Variants in SRP72 observed in about 807,000 individuals in gnomAD.
The protein encoded by SRP72 is signal recognition particle 72.
A neutral mutation model predicts 96.3 loss-of-function variants in SRP72; 49 were observed. That is an observed-to-expected ratio of 0.51 (90% confidence interval 0.40 to 0.65). The LOEUF is 0.65. SRP72 is among the 30% of genes least tolerant of loss of function. The pLI is 0.00. For synonymous variants in SRP72, 267 were observed against 275.2 expected (o/e 0.97, Z 0.30); for missense variants, 736 against 793.3 (o/e 0.93, Z 0.87).
chr4:56,502,511 AT>A lies in SRP72; in HGVS notation c.*651del. 6.9e-6 allele frequency: 1 copy of A among 144,386 alleles called. No homozygotes were observed. The highest frequency in any genetic ancestry group is 2.0e-4 in the East Asian group (1 of 4,938). 8.9% of individuals were successfully genotyped at this position (144,386 alleles called of 1,614,324 possible). ...TATATATATACATATATATATATATATAAACATGAAATATATATATATGGCT... is the reference window on the plus strand; with the variant it reads ...TATATATATACATATATATATATATAAAACATGAAATATATATATATGGCT... On this transcript the variant is annotated 3_prime_UTR_variant, in exon 19 of 19. Coordinates refer to ENST00000642900, the MANE Select transcript of SRP72 (RefSeq NM_006947.4).
At chr4:56,484,051 T>TTTTTTTTTTTTTTTTTTTC (rs1560682047) in intron 9 of SRP72, among the ~76,000 whole-genome samples, 4 of 142,716 alleles carry the variant, frequency 2.8e-5, no homozygotes, top group African/African-American at 1.1e-4. Context: ...TTTTTTTTTT[T>TTTTTTTTTTTTTTTTTTTC]GAGATGGAGT....
In SRP72 at chr4:56,489,359, T is replaced by C. The variant is rs776122760; in HGVS notation, c.1225-29T>C. On this transcript the variant is annotated intron_variant, in intron 12 of 18. Coordinates refer to ENST00000642900, the MANE Select transcript of SRP72 (RefSeq NM_006947.4). The stretch of plus-strand genomic sequence containing the variant: ...CGGTATTCTGGGAGTGAAGGGGGAG[T>C]TCACTAATTTATACCTTTGGCTGTG... The C allele has an allele frequency of 5.2e-6, 7 of 1,344,596 alleles. No individual in the cohort carries two copies. The African/African-American group carries it at 1.0e-4, about 19-fold the overall frequency. The allele number at this position is 1,344,596 out of a possible 1,614,324, so 83.3% of individuals were successfully genotyped here.
In SRP72 at chr4:56,490,354, T is replaced by C; in HGVS notation, c.1342T>C (p.Ser448Pro). Residue 448 changes from serine (S) to proline (P), a missense_variant, in exon 14 of 19, where the codon TCC becomes CCC. This residue lies in a region of SRP72 where 388 missense variants were observed against 431.8 expected (regional missense o/e 0.90). Transcript: ENST00000642900. ...NHQPKSPAHL[S>P]LIREAANFKL... ...GTAGCCAAAATCTCCTGCTCATTTG[T>C]CCTTGATAAGAGAAGCTGCAAACTT... 1.2e-6 allele frequency: 2 copies of C among 1,613,632 alleles called. No individual in the cohort carries two copies. Among genetic ancestry groups the C allele is most frequent in the Non-Finnish European group, 1.7e-6 (2 of 1,179,844 alleles).
rs1239945507 is a variant in SRP72 at position 56,474,359 on chromosome 4, A to C, written c.578A>C (p.Asn193Thr). The C allele has an allele frequency of 6.2e-7, 1 of 1,614,094 alleles. No homozygotes were observed. The highest frequency in any genetic ancestry group is 1.7e-5 in the Admixed American group (1 of 60,004). Residue 193 changes from asparagine (N) to threonine (T), a missense_variant, in exon 5 of 19, where the codon AAC becomes ACC. Transcript: ENST00000642900. Reference sequence around the variant, plus strand: ...GCACTGATAGGCCAAGGCCAGCTGAACCAGGCCATGAAAATCCTACAAAAA... The same window carrying C: ...GCACTGATAGGCCAAGGCCAGCTGACCCAGGCCATGAAAATCCTACAAAAA... Reference protein sequence around the residue: ...ACALIGQGQLNQAMKILQKAE... With the variant: ...ACALIGQGQLTQAMKILQKAE...
chr4:56,500,264 T>C (rs1721216449), intron 17 of SRP72, among the ~76,000 whole-genome samples: 1 of 152,028 alleles, frequency 6.6e-6, no homozygotes, highest in East Asian at 1.9e-4. Context: ...ATACCTAATG[T>C]AGATGACGGG....
chr4:56,503,571 A>C lies in SRP72; in HGVS notation c.*1710A>C, dbSNP rs1391485563. 2.0e-5 allele frequency: 3 copies of C among 152,224 alleles called. No homozygotes were observed. The highest frequency in any genetic ancestry group is 2.9e-5 in the Non-Finnish European group (2 of 68,044). The allele number at this position is 152,224 out of a possible 1,614,324, so 9.4% of individuals were successfully genotyped here. ...ATAGGTCTTTAACCAGTTCATATAT[A>C]TACTTTGTCAAATATATGGATGTGT... On this transcript the variant is annotated 3_prime_UTR_variant, in exon 19 of 19. Coordinates refer to ENST00000642900, the MANE Select transcript of SRP72 (RefSeq NM_006947.4).
chr4:56,481,802 C>T (rs142066129), intron 8 of SRP72, among the ~76,000 whole-genome samples: 86 of 141,792 alleles, frequency 6.1e-4, no homozygotes, highest in African/African-American at 2.2e-3. Flanking sequence ...GATGGAGTCT[C>T]GCTCTCTTGC....
intron 8 of SRP72, among the ~76,000 whole-genome samples, chr4:56,481,392 A>G (rs114105576): frequency 0.011 from 1,621 of 152,314 alleles, 35 homozygotes; most frequent in African/African-American, 0.036. Context: ...TCAGGATGCA[A>G]TCAGTGTGAC....
At chr4:56,499,123 A>T (rs1721175585) in intron 17 of SRP72, among the ~76,000 whole-genome samples, 1 of 152,164 alleles carries the variant, frequency 6.6e-6, no homozygotes, top group African/African-American at 2.4e-5. Context: ...CACATCTACA[A>T]CCATCTGATC....
rs113124538 is a variant in SRP72 at position 56,491,136 on chromosome 4, T to C, written c.1503-295T>C. Among the ~76,000 whole-genome samples the C allele has an allele frequency of 1.8e-3, 274 of 152,276 alleles. 10 individuals are homozygous for C. The South Asian group carries it at 0.039, about 22-fold the overall frequency. On this transcript the variant is annotated intron_variant, in intron 15 of 18. Coordinates refer to ENST00000642900, the MANE Select transcript of SRP72 (RefSeq NM_006947.4). ...AAGCAGTCACAAGTCATAAACTTGA[T>C]AGTTGTTTTGGAATAGAGTTTGTAT...
intron 8 of SRP72, among the ~76,000 whole-genome samples, chr4:56,482,593 G>A (rs1162979801): frequency 6.6e-6 from 1 of 152,082 alleles, no homozygotes; most frequent in African/African-American, 2.4e-5. Flanking sequence ...GCTTTATTGC[G>A]GTAGTCTGGA....
intron 9 of SRP72, among the ~76,000 whole-genome samples, chr4:56,483,495 C>G (rs1720580769): frequency 6.6e-6 from 1 of 151,898 alleles, no homozygotes. Flanking sequence ...GGCGGAATGC[C>G]TGAGTTCAAG....
intron 3 of SRP72, among the ~76,000 whole-genome samples, chr4:56,473,224 C>G (rs1371652371): frequency 6.6e-6 from 1 of 151,972 alleles, no homozygotes; most frequent in South Asian, 2.1e-4. Flanking sequence ...CTTGGGGAGG[C>G]CAAGGCGGGC....
At chr4:56,483,650 CAGAG>C (rs1720587060) in intron 9 of SRP72, among the ~76,000 whole-genome samples, 1 of 148,282 alleles carries the variant, frequency 6.7e-6, no homozygotes, top group Non-Finnish European at 1.5e-5. Context: ...GCCTGGGCAA[CAGAG>C]AGAGACTGTC....
At chr4:56,487,890 A>ATT in intron 11 of SRP72, 59 bp from the exon 12 acceptor site, 3 of 1,323,698 alleles carry the variant, frequency 2.3e-6, no homozygotes, top group Non-Finnish European at 2.1e-6. Flanking sequence ...AATTTCTTGT[A>ATT]TTTTTTTTTC....
chr4:56,491,039 A>G (rs541870768), intron 15 of SRP72, among the ~76,000 whole-genome samples: 2 of 152,172 alleles, frequency 1.3e-5, no homozygotes, highest in Admixed American at 1.3e-4. Context: ...TGGTGCCCTT[A>G]TTGAGCTTGG....
At position 56,503,681 on chromosome 4, in the gene SRP72, A is replaced by G. The variant is rs1480985629; in HGVS notation, c.*1820A>G. On this transcript the variant is annotated 3_prime_UTR_variant, in exon 19 of 19. Coordinates refer to ENST00000642900, the MANE Select transcript of SRP72 (RefSeq NM_006947.4). ...TAAAATATTTTAGCAGTGAATATGG[A>G]TTAAGGTGTTTTGGGTGTTGGCATT... 2 of 152,184 alleles carry G rather than the reference A, an allele frequency of 1.3e-5. No individual in the cohort carries two copies. The highest frequency in any genetic ancestry group is 4.8e-5 in the African/African-American group (2 of 41,452). 9.4% of individuals were successfully genotyped at this position (152,184 alleles called of 1,614,324 possible). A position where few individuals can be genotyped will look rare whatever the true frequency, so the allele number is the denominator to read the frequency against.
At chr4:56,473,601 A>G (rs1446889230) in intron 3 of SRP72, among the ~76,000 whole-genome samples, 1 of 151,582 alleles carries the variant, frequency 6.6e-6, no homozygotes, top group Non-Finnish European at 1.5e-5. Flanking sequence ...CCCCATCTCT[A>G]CTAAAAATAC....
At chr4:56,474,511 A>G (rs574189435) in intron 5 of SRP72, 120 bp downstream of exon 5, 11 of 849,456 alleles carry the variant, frequency 1.3e-5, no homozygotes, top group African/African-American at 3.5e-5. Flanking sequence ...TGCAGTGACA[A>G]TTTCTCCAAG....
Sources: allele counts gnomAD v4.1 joint callset (sites outside exome capture counted in the v4.1 genomes callset), GRCh38; gene constraint gnomAD v4.1.1; regional missense constraint gnomAD v4.1.1; transcripts MANE v1.5; gene names NCBI Gene and HGNC (gene_info 2026-07-23, HGNC 2026-07-21).